Variants in PRRC2A observed in about 807,000 individuals in gnomAD.
PRRC2A encodes the protein protein PRRC2A.
A neutral mutation model predicts 224.6 loss-of-function variants in PRRC2A; 59 were observed. The observed-to-expected ratio is 0.26, with a 90% CI of 0.21 to 0.33. PRRC2A has a LOEUF of 0.33. PRRC2A is among the 10% of genes least tolerant of loss of function. The pLI, the probability that PRRC2A is intolerant of heterozygous loss-of-function variation, is 1.00. For synonymous variants in PRRC2A, 1,194 were observed against 1,109.5 expected, an observed-to-expected ratio of 1.08 and a Z score of -1.51; for missense variants, 3,095 against 2,880.7, an observed-to-expected ratio of 1.07 and a Z score of -1.70.
Position 31,625,466 on chromosome 6 carries a change from C to T in PRRC2A, c.614C>T (p.Thr205Ile). 6.3e-7 allele frequency: 1 copy of T among 1,597,308 alleles called. No individual in the cohort carries two copies. The highest frequency in any genetic ancestry group is 8.6e-7 in the Non-Finnish European group (1 of 1,167,862). ...PGPSLRPQNS[T>I]TWRDGGGRGP... ...TACCTTTTCCAAAATACAGATTCTACAACTTGGAGGGACGGAGGTGGGCGT... is the reference window on the plus strand; with the variant it reads ...TACCTTTTCCAAAATACAGATTCTATAACTTGGAGGGACGGAGGTGGGCGT... The change falls in exon 7 of 31, where the codon ACA becomes ATA. Residue 205 changes from threonine to isoleucine, a missense_variant. By Grantham distance (89) the Thr-to-Ile change is moderately conservative. Around this residue, in one of 8 missense-constraint regions of PRRC2A, gnomAD observed 287 missense variants for 275.3 expected, o/e 1.04. Transcript: ENST00000376033. This position sits in a 1 kb window ranked among gnomAD's most constrained non-coding sequence, Gnocchi z 4.1.
chr6:31,624,423 T>C, intron 4 of PRRC2A, 27 bp from the exon 5 acceptor site: 1 of 1,610,278 alleles, frequency 6.2e-7, no homozygotes, highest in Non-Finnish European at 8.5e-7. Context: ...CCCACATCAT[T>C]TATCATCTTT....
At chr6:31,635,331 G>T in intron 22 of PRRC2A, 59 bp downstream of exon 22, 1 of 1,613,886 alleles carries the variant, frequency 6.2e-7, no homozygotes, top group Non-Finnish European at 8.5e-7. Context: ...AAGGACTAAA[G>T]GTGGGACATA....
Position 31,634,742 on chromosome 6 carries a change from A to C in PRRC2A, c.4936-11A>C. 1 of 1,610,334 alleles carries C rather than the reference A, an allele frequency of 6.2e-7. No homozygotes were observed. The highest frequency in any genetic ancestry group is 8.5e-7 in the Non-Finnish European group (1 of 1,178,818). ...CCCTGACTTAACTAGCTCCTTCTCCACTCCTCTCAGATGAGTCAGTCTGAC... is the reference window on the plus strand; with the variant it reads ...CCCTGACTTAACTAGCTCCTTCTCCCCTCCTCTCAGATGAGTCAGTCTGAC... On this transcript the variant is annotated splice_polypyrimidine_tract_variant and intron_variant, in intron 20 of 30. Transcript: ENST00000376033.
chr6:31,621,502 A>G (rs1380650553), intron 1 of PRRC2A, among the ~76,000 whole-genome samples: 2 of 139,772 alleles, frequency 1.4e-5, no homozygotes, highest in African/African-American at 5.4e-5. Flanking sequence ...TTTTTTTGCC[A>G]TTCCTGTTTC....
chr6:31,626,052 C>T lies in PRRC2A; in HGVS notation c.872C>T (p.Ser291Leu), dbSNP rs1775875851. The T allele has an allele frequency of 6.2e-7, 1 of 1,611,762 alleles. No individual in the cohort carries two copies. The highest frequency in any genetic ancestry group is 1.3e-5 in the African/African-American group (1 of 75,008). The part of the protein sequence containing the change: ...RFPRVAGPRG[S>L]GPPMRLVEPV... The stretch of plus-strand genomic sequence containing the variant: ...CCCCGTGTGGCGGGCCCCCGAGGCT[C>T]AGGGCCACCAATGCGCTTAGTAGAG... The change falls in exon 9 of 31, where the codon TCA (serine) becomes TTA (leucine). Residue 291 changes from serine (S) to leucine (L), a missense_variant. Physicochemically the swap from Ser to Leu is moderately radical, Grantham distance 145. This residue lies in a region of PRRC2A where 287 missense variants were observed against 275.3 expected (regional missense o/e 1.04). Transcript: ENST00000376033.
rs1777012820 is a variant in PRRC2A at position 31,633,981 on chromosome 6, C to T, written c.4711C>T (p.Leu1571=). 3.1e-6 allele frequency: 5 copies of T among 1,605,618 alleles called. No individual in the cohort carries two copies. In the South Asian group the frequency reaches 3.3e-5, roughly 11 times the overall value. The change falls in exon 18 of 31, where the codon CTA becomes TTA. Residue 1571 remains leucine (L), a synonymous_variant. Transcript: ENST00000376033. The part of the protein sequence containing the change: ...RERPPRKPEL[L]QEESLPPPHS... ...GCGGCCTCCCAGAAAACCAGAGCTGCTACAGGAGGTAAGGGATGGGTTTGA... is the reference window on the plus strand; with the variant it reads ...GCGGCCTCCCAGAAAACCAGAGCTGTTACAGGAGGTAAGGGATGGGTTTGA...
In PRRC2A at chr6:31,625,601, T is replaced by A; in HGVS notation, c.749T>A (p.Met250Lys). 1 of 1,576,116 alleles carries A rather than the reference T, an allele frequency of 6.3e-7. No homozygotes were observed. The highest frequency in any genetic ancestry group is 8.6e-7 in the Non-Finnish European group (1 of 1,159,522). The change falls in exon 7 of 31, where the codon ATG (methionine) becomes AAG (lysine). Residue 250 changes from methionine (M) to lysine (K), a missense_variant. By Grantham distance (95) the Met-to-Lys change is moderately conservative. This residue lies in a region of PRRC2A where 287 missense variants were observed against 275.3 expected (regional missense o/e 1.04). Transcript: ENST00000376033. This position sits in a 1 kb window ranked among gnomAD's most constrained non-coding sequence, Gnocchi z 4.1. ...PPQFPPYRGM[M>K]PPFMYPPYLP... ...CAGTTCCCTCCCTACCGCGGAATGA[T>A]GCCGCCTTTCGTGAGTCTTGGTGTC...
intron 24 of PRRC2A, 76 bp from the exon 25 acceptor site, chr6:31,635,891 T>C (rs1777279603): frequency 6.8e-7 from 1 of 1,468,250 alleles, no homozygotes; most frequent in Non-Finnish European, 9.2e-7. Flanking sequence ...TACTTTTTGC[T>C]TCTATGGGTG....
chr6:31,632,790 C>A lies in PRRC2A; in HGVS notation c.4117C>A (p.Leu1373Met). 5 of 1,613,116 alleles carry A rather than the reference C, an allele frequency of 3.1e-6. No individual in the cohort carries two copies. Among genetic ancestry groups the A allele is most frequent in the Non-Finnish European group, 4.2e-6 (5 of 1,180,010 alleles). Reference protein sequence around the residue: ...PGISAMSRGDLSQRAKDLSKR... With the variant: ...PGISAMSRGDMSQRAKDLSKR... ...TATTTCAGCCATGTCCCGCGGAGATCTGAGCCAGAGAGCCAAGGATTTGAG... is the reference window on the plus strand; with the variant it reads ...TATTTCAGCCATGTCCCGCGGAGATATGAGCCAGAGAGCCAAGGATTTGAG... The change falls in exon 16 of 31, where the codon CTG (leucine) becomes ATG (methionine). Residue 1373 changes from leucine (L) to methionine (M), a missense_variant. By Grantham distance (15) the Leu-to-Met change is conservative. This residue lies in a region of PRRC2A where 2,001 missense variants were observed against 1,764.9 expected (regional missense o/e 1.13). Coordinates refer to ENST00000376033, the MANE Select transcript of PRRC2A (RefSeq NM_004638.4).
rs141586667 is a variant in PRRC2A at position 31,630,571 on chromosome 6, T to C, written c.2255-20T>C. ...TGTGACATGAATAGGATTATTTTTC[T>C]TTTTCTTTGGTTTCTTCAGGCCTAG... is the stretch of plus-strand genomic sequence containing the variant. On this transcript the variant is annotated intron_variant, in intron 14 of 30. Coordinates refer to ENST00000376033, the MANE Select transcript of PRRC2A (RefSeq NM_004638.4). 369 of 1,613,266 alleles carry C rather than the reference T, an allele frequency of 2.3e-4. 1 individual carries two copies. In the African/African-American group the frequency reaches 4.4e-3, roughly 19 times the overall value.
chr6:31,626,947 A>G (rs746219451), intron 10 of PRRC2A, 35 bp from the exon 11 acceptor site: 11 of 1,613,572 alleles, frequency 6.8e-6, no homozygotes, highest in Non-Finnish European at 7.6e-6. Flanking sequence ...TATTAGTTGC[A>G]GCTGATTTTA....
Position 31,632,909 on chromosome 6 carries a change from TGGA to T in PRRC2A, c.4242_4244del (p.Gly1418del). 6.2e-7 allele frequency: 1 copy of T among 1,612,206 alleles called. No individual in the cohort carries two copies. The highest frequency in any genetic ancestry group is 8.5e-7 in the Non-Finnish European group (1 of 1,179,694). On this transcript the variant is annotated inframe_deletion, in exon 16 of 31. Coordinates refer to ENST00000376033, the MANE Select transcript of PRRC2A (RefSeq NM_004638.4). ...AGGCTGGCAGCAGTGGCAGCAGCAG[TGGA>T]GGAGGCGGTGGGGGTCCTGGAGGAA...
chr6:31,627,576 C>T lies in PRRC2A; in HGVS notation c.1291-189C>T, dbSNP rs1438608573. On this transcript the variant is annotated intron_variant, in intron 11 of 30. Transcript: ENST00000376033. The surrounding 1 kb of genome is among the most constrained non-coding windows in gnomAD (Gnocchi z 5.6). ...ACTTGAGCCCAAGTTCAAGACCAGC[C>T]TGGGCAACATAGCAAGACGTGGTCT... Among the ~76,000 whole-genome samples, 3 of 152,184 alleles carry T rather than the reference C, an allele frequency of 2.0e-5. No homozygotes were observed. The highest frequency in any genetic ancestry group is 7.2e-5 in the African/African-American group (3 of 41,434).
chr6:31,626,673 T>C, intron 9 of PRRC2A, 99 bp from the exon 10 acceptor site: 1 of 1,038,612 alleles, frequency 9.6e-7, no homozygotes, highest in Non-Finnish European at 1.4e-6. Flanking sequence ...GAGGGAAGGA[T>C]ATTGGCATTG....
At chr6:31,629,421 C>A in intron 13 of PRRC2A, 87 bp downstream of exon 13, 1 of 1,488,820 alleles carries the variant, frequency 6.7e-7, no homozygotes, top group Non-Finnish European at 9.1e-7. Context: ...TTCTGGGTCC[C>A]TTTGCTTCTT....
chr6:31,633,129 A>T, intron 16 of PRRC2A, 137 bp downstream of exon 16: 13 of 1,284,172 alleles, frequency 1.0e-5, no homozygotes, highest in East Asian at 2.6e-5. Context: ...TAGGATTTCC[A>T]TGTCTGGCTA....
rs760271035 is a variant in PRRC2A, at chr6:31,631,869, C to T, written c.3196C>T (p.Arg1066Cys). 2.1e-5 allele frequency: 33 copies of T among 1,609,562 alleles called. No homozygotes were observed. The highest frequency in any genetic ancestry group is 1.6e-4 in the Middle Eastern group (1 of 6,074). The change falls in exon 16 of 31, where the codon CGT becomes TGT. Residue 1066 changes from arginine to cysteine, a missense_variant. Around this residue, in one of 8 missense-constraint regions of PRRC2A, gnomAD observed 2,001 missense variants for 1,764.9 expected, o/e 1.13. Coordinates refer to ENST00000376033, the MANE Select transcript of PRRC2A (RefSeq NM_004638.4). The surrounding 1 kb of genome is among the most constrained non-coding windows in gnomAD (Gnocchi z 4.5). Reference sequence around the variant, plus strand: ...CCGAGAGTTTCGAGGAGATGATGGGCGTGGAGGTGGGACAGGGGGACCAAA... The same window carrying T: ...CCGAGAGTTTCGAGGAGATGATGGGTGTGGAGGTGGGACAGGGGGACCAAA... ...SYREFRGDDG[R>C]GGGTGGPNHP... is the part of the protein sequence containing the mutation.
chr6:31,629,967 C>T, intron 14 of PRRC2A, 122 bp downstream of exon 14: 1 of 1,473,102 alleles, frequency 6.8e-7, no homozygotes, highest in Non-Finnish European at 9.1e-7. Context: ...GAGGGAAGGG[C>T]ATATGCTTGG....
intron 12 of PRRC2A, chr6:31,628,535 G>T: frequency 2.1e-6 from 1 of 470,864 alleles, no homozygotes. Context: ...TTTGAGACCA[G>T]CCTGGGCAAC....
Sources: gnomAD v4.1 joint callset for allele counts (sites outside exome capture counted in the v4.1 genomes callset) on GRCh38, gnomAD v4.1.1 for gene constraint, gnomAD v4.1.1 regional missense constraint, Gnocchi (gnomAD v3.1) non-coding constraint, MANE v1.5 for transcripts, NCBI Gene and HGNC (gene_info 2026-07-23, HGNC 2026-07-21) for gene names.